RGS20: variants seen among roughly 807,000 people sequenced by gnomAD.
RGS20 encodes gz-selective GTPase-activating protein.
In RGS20, 30 loss-of-function variants were observed where a neutral mutation model predicts 33.6. The observed-to-expected ratio is 0.89, with a 90% confidence interval of 0.67 to 1.21. The LOEUF (loss-of-function observed/expected upper bound fraction) is 1.21. RGS20 is among the 50% of genes most tolerant of loss of function. The pLI is 0.00. For missense variants in RGS20, 472 were observed against 502.4 expected (o/e 0.94, Z 0.58); for synonymous variants, 208 against 197.9 (o/e 1.05, Z -0.43).
At chr8:53,920,542 C>T (rs779914687) in intron 2 of RGS20, among the ~76,000 whole-genome samples, 6 of 152,112 alleles carry the variant, frequency 3.9e-5, no homozygotes, top group Admixed American at 1.3e-4. Context: ...TCTTGCCTTA[C>T]TGCCGAGGCT....
intron 2 of RGS20, among the ~76,000 whole-genome samples, chr8:53,891,409 A>G (rs569829331): frequency 1.3e-5 from 2 of 152,304 alleles, no homozygotes; most frequent in South Asian, 4.1e-4. Flanking sequence ...ACTTGAGGTC[A>G]GGATTTCGAG....
intron 2 of RGS20, among the ~76,000 whole-genome samples, chr8:53,908,178 A>G (rs2129282741): frequency 6.6e-6 from 1 of 152,360 alleles, no homozygotes; most frequent in African/African-American, 2.4e-5. Context: ...ATTAACTCTT[A>G]GAAATGTTCT....
At chr8:53,860,730 C>T (rs1279829489) in intron 1 of RGS20, among the ~76,000 whole-genome samples, 1 of 152,202 alleles carries the variant, frequency 6.6e-6, no homozygotes, top group South Asian at 2.1e-4. Flanking sequence ...CTCTGGGAGG[C>T]CAAGACAGGT....
chr8:53,931,737 G>C (rs1813969358), intron 2 of RGS20, among the ~76,000 whole-genome samples: 1 of 152,156 alleles, frequency 6.6e-6, no homozygotes, highest in Non-Finnish European at 1.5e-5. Flanking sequence ...ACAGTTGGGT[G>C]CAGCCCACGG....
At chr8:53,866,768 G>A (rs1811928519) in intron 1 of RGS20, among the ~76,000 whole-genome samples, 1 of 152,080 alleles carries the variant, frequency 6.6e-6, no homozygotes, top group Non-Finnish European at 1.5e-5. Context: ...TGCAAAGGCT[G>A]GAACTGTTAA....
At chr8:53,895,356 G>A (rs1812827314) in intron 2 of RGS20, among the ~76,000 whole-genome samples, 1 of 152,176 alleles carries the variant, frequency 6.6e-6, no homozygotes, top group South Asian at 2.1e-4. Context: ...ATGGCACCCA[G>A]GGAATGGCCT....
chr8:53,899,240 C>T (rs1812946847), intron 2 of RGS20, among the ~76,000 whole-genome samples: 1 of 152,076 alleles, frequency 6.6e-6, no homozygotes, highest in Non-Finnish European at 1.5e-5. Context: ...GTATTTTTTC[C>T]TTCCTTTTCT....
At chr8:53,935,427 C>T (rs183374725) in intron 2 of RGS20, among the ~76,000 whole-genome samples, 28 of 152,262 alleles carry the variant, frequency 1.8e-4, no homozygotes, top group African/African-American at 6.0e-4. Flanking sequence ...GCAGATATCA[C>T]CACTGATCCC....
chr8:53,891,143 C>T (rs1223950715), intron 2 of RGS20, among the ~76,000 whole-genome samples: 1 of 152,158 alleles, frequency 6.6e-6, no homozygotes, highest in East Asian at 1.9e-4. Context: ...ATGTCCACAG[C>T]TTGTGCTAAC....
intron 1 of RGS20, among the ~76,000 whole-genome samples, chr8:53,859,613 C>A (rs1388447209): frequency 6.6e-6 from 1 of 152,108 alleles, no homozygotes; most frequent in Non-Finnish European, 1.5e-5. Context: ...TGTGAATAAA[C>A]TATATTGGGA....
At chr8:53,936,119 A>T (rs1161262840) in intron 2 of RGS20, among the ~76,000 whole-genome samples, 2 of 152,256 alleles carry the variant, frequency 1.3e-5, no homozygotes, top group Non-Finnish European at 2.9e-5. Flanking sequence ...AGACCTATTT[A>T]TGACACACCC....
Position 53,911,593 on chromosome 8 carries a change from C to T in RGS20, c.511-27983C>T, listed in dbSNP as rs576357724. On this transcript the variant is annotated intron_variant, in intron 2 of 5. Transcript: ENST00000297313. ...TATGGTAGTAGAAGATCCTAAACTA[C>T]GTAGAAAAAATCGAAAAGGTGTTAT... Among the ~76,000 whole-genome samples, 15 of 152,160 alleles carry T rather than the reference C, an allele frequency of 9.9e-5. No homozygotes were observed. In the South Asian group the frequency reaches 2.7e-3, roughly 27 times the overall value.
intron 1 of RGS20, among the ~76,000 whole-genome samples, chr8:53,857,499 A>C (rs1811703674): frequency 6.6e-6 from 1 of 152,216 alleles, no homozygotes; most frequent in African/African-American, 2.4e-5. Flanking sequence ...AGAACAAAAA[A>C]AGAGGGGGGA....
At chr8:53,869,042 C>G (rs1377418993) in intron 1 of RGS20, among the ~76,000 whole-genome samples, 3 of 152,116 alleles carry the variant, frequency 2.0e-5, no homozygotes, top group Admixed American at 6.5e-5. Context: ...CATGAGCCAC[C>G]GCGCCTGGAA....
At chr8:53,884,819 C>T (rs1437034002) in intron 2 of RGS20, among the ~76,000 whole-genome samples, 1 of 152,234 alleles carries the variant, frequency 6.6e-6, no homozygotes, top group Non-Finnish European at 1.5e-5. Context: ...TGTTGTCCCA[C>T]AGCTTTATCT....
At chr8:53,882,329 C>T (rs1482608006) in intron 2 of RGS20, among the ~76,000 whole-genome samples, 1 of 152,102 alleles carries the variant, frequency 6.6e-6, no homozygotes, top group Non-Finnish European at 1.5e-5. Flanking sequence ...CACTGAGGTG[C>T]ATCGTGAGCT....
In RGS20 at chr8:53,874,292, T is replaced by C. The variant is rs1159728029; in HGVS notation, c.166-4966T>C. On this transcript the variant is annotated intron_variant, in intron 1 of 5. Transcript: ENST00000297313. Reference sequence around the variant, plus strand: ...TGAGATGAGACTATGACAGGAAATATGGCAAACGGAAGGAGAAAGATCAGT... The same window carrying C: ...TGAGATGAGACTATGACAGGAAATACGGCAAACGGAAGGAGAAAGATCAGT... Among the ~76,000 whole-genome samples, 4 of 152,192 alleles carry C rather than the reference T, an allele frequency of 2.6e-5. No homozygotes were observed. The East Asian group carries it at 7.7e-4, about 29-fold the overall frequency.
In RGS20 at chr8:53,930,939, C is replaced by G. The variant is rs531302108; in HGVS notation, c.511-8637C>G. On this transcript the variant is annotated intron_variant, in intron 2 of 5. Coordinates refer to ENST00000297313, the MANE Select transcript of RGS20 (RefSeq NM_170587.4). The stretch of plus-strand genomic sequence containing the variant: ...TGGCTTGTCCTGAGGCCTCAGTGCC[C>G]GAATTGAGTGAATGAAGTGAAACCA... 1.1e-3 allele frequency among the ~76,000 whole-genome samples: 172 copies of G among 152,210 alleles called. 1 individual carries two copies. Among genetic ancestry groups the G allele is most frequent in the African/African-American group, 3.9e-3 (163 of 41,526 alleles).
At chr8:53,871,179 T>G (rs1812059058) in intron 1 of RGS20, among the ~76,000 whole-genome samples, 2 of 151,578 alleles carry the variant, frequency 1.3e-5, no homozygotes, top group South Asian at 4.2e-4. Flanking sequence ...CAGACTCTTC[T>G]TTTCCTGAGT....
Sources: gnomAD v4.1 joint callset for allele counts (sites outside exome capture counted in the v4.1 genomes callset) on GRCh38, gnomAD v4.1.1 for gene constraint, MANE v1.5 for transcripts, NCBI Gene and HGNC (gene_info 2026-07-23, HGNC 2026-07-21) for gene names.